Variants in GPC5 observed in about 807,000 individuals in gnomAD.
GPC5 encodes the protein glypican-5.
A neutral mutation model predicts 53.9 loss-of-function variants in GPC5; 47 were observed. That is an observed-to-expected ratio of 0.87 (90% confidence interval 0.69 to 1.11). GPC5 has a LOEUF of 1.11. Among genes scored for constraint, GPC5 ranks in the 50% most tolerant of loss-of-function variants. The pLI, the probability that GPC5 is intolerant of heterozygous loss-of-function variation, is 0.00. For missense variants in GPC5, 748 were observed against 713.1 expected, an observed-to-expected ratio of 1.05 and a Z score of -0.56; for synonymous variants, 286 against 263.3, an observed-to-expected ratio of 1.09 and a Z score of -0.84.
At chr13:92,674,212 G>A (rs1040525968) in intron 7 of GPC5, among the ~76,000 whole-genome samples, 1 of 152,098 alleles carries the variant, frequency 6.6e-6, no homozygotes, top group Admixed American at 6.6e-5. Flanking sequence ...GCTTTGACAC[G>A]TTCCTCTCAC....
At chr13:92,759,794 G>A (rs1265467595) in intron 7 of GPC5, among the ~76,000 whole-genome samples, 1 of 152,008 alleles carries the variant, frequency 6.6e-6, no homozygotes, top group Non-Finnish European at 1.5e-5. Flanking sequence ...CATTGTACCA[G>A]ATCTTAGAAG....
At chr13:92,016,475 G>C (rs1422890266) in intron 6 of GPC5, among the ~76,000 whole-genome samples, 1 of 152,040 alleles carries the variant, frequency 6.6e-6, no homozygotes, top group Non-Finnish European at 1.5e-5. Flanking sequence ...ATTTAGGGTG[G>C]ATGACCTATA....
intron 7 of GPC5, among the ~76,000 whole-genome samples, chr13:92,420,396 C>T (rs1445117388): frequency 1.3e-5 from 2 of 151,974 alleles, no homozygotes; most frequent in East Asian, 3.9e-4. Flanking sequence ...TATATATTTA[C>T]ATGGTACATG....
chr13:91,902,526 C>A (rs2039507711), intron 5 of GPC5, among the ~76,000 whole-genome samples: 1 of 151,964 alleles, frequency 6.6e-6, no homozygotes, highest in Non-Finnish European at 1.5e-5. Flanking sequence ...GATGGTGGGT[C>A]TATTACTTCC....
rs546002410 is a variant in GPC5 at position 92,435,214 on chromosome 13, A to G, written c.1561+290225A>G. ...ACAGGCATGAGCCACTGCACCCAGC[A>G]GTCCAAATGAAATTTGAGAAAATTA... On this transcript the variant is annotated intron_variant, in intron 7 of 7. Transcript: ENST00000377067. Among the ~76,000 whole-genome samples, 188 of 152,314 alleles carry G rather than the reference A, an allele frequency of 1.2e-3. 3 individuals carry two copies. In the South Asian group the frequency reaches 0.036, roughly 29 times the overall value.
intron 7 of GPC5, among the ~76,000 whole-genome samples, chr13:92,864,652 C>T (rs1389091642): frequency 6.6e-6 from 1 of 151,920 alleles, no homozygotes; most frequent in South Asian, 2.1e-4. Flanking sequence ...AATATTCACA[C>T]TCCACTCTAG....
intron 7 of GPC5, among the ~76,000 whole-genome samples, chr13:92,400,827 C>T (rs1373585883): frequency 6.6e-6 from 1 of 152,130 alleles, no homozygotes; most frequent in Admixed American, 6.5e-5. Context: ...TTCCTTTCTA[C>T]ATTTCAAACT....
In GPC5 at chr13:91,693,715, T is replaced by C; in HGVS notation, c.854T>C (p.Met285Thr). Reference sequence around the variant, plus strand: ...GTCATGCGAGGCTGCCTGGCGCACATGGCGGAGCTTAATCCACACTGGCAT... The same window carrying C: ...GTCATGCGAGGCTGCCTGGCGCACACGGCGGAGCTTAATCCACACTGGCAT... ...LNVMRGCLAH[M>T]AELNPHWHAY... Residue 285 changes from methionine to threonine, a missense_variant, in exon 3 of 8, where the codon ATG (methionine) becomes ACG (threonine). Met to Thr is a moderately conservative substitution (Grantham distance 81, BLOSUM62 -1). Transcript: ENST00000377067. The C allele has an allele frequency of 6.2e-7, 1 of 1,614,172 alleles. No homozygotes were observed. Among genetic ancestry groups the C allele is most frequent in the Non-Finnish European group, 8.5e-7 (1 of 1,180,018 alleles).
At chr13:92,244,961 C>T (rs1221488374) in intron 7 of GPC5, among the ~76,000 whole-genome samples, 2 of 151,454 alleles carry the variant, frequency 1.3e-5, no homozygotes, top group Non-Finnish European at 2.9e-5. Flanking sequence ...CTGCTTGAAC[C>T]CGGGAGGTGG....
chr13:92,749,273 C>A (rs1236321358), intron 7 of GPC5, among the ~76,000 whole-genome samples: 1 of 151,886 alleles, frequency 6.6e-6, no homozygotes, highest in Non-Finnish European at 1.5e-5. Context: ...TTAATTGAGC[C>A]ATTTTTTCAA....
chr13:92,695,006 A>ACT (rs1217112975), intron 7 of GPC5, among the ~76,000 whole-genome samples: 1 of 151,452 alleles, frequency 6.6e-6, no homozygotes, highest in African/African-American at 2.4e-5. Context: ...TTCCTACGTC[A>ACT]CTCTCTCTCT....
intron 7 of GPC5, among the ~76,000 whole-genome samples, chr13:92,838,785 C>T (rs1878315986): frequency 6.6e-6 from 1 of 152,046 alleles, no homozygotes; most frequent in Non-Finnish European, 1.5e-5. Flanking sequence ...TTTAAAAATG[C>T]AAATCATAGA....
At chr13:91,655,590 T>A (rs2034826043) in intron 2 of GPC5, among the ~76,000 whole-genome samples, 1 of 152,074 alleles carries the variant, frequency 6.6e-6, no homozygotes, top group Non-Finnish European at 1.5e-5. Context: ...AAATATTTTA[T>A]ACTAGGTAGA....
intron 7 of GPC5, among the ~76,000 whole-genome samples, chr13:92,238,918 A>C (rs947717319): frequency 3.3e-5 from 5 of 151,606 alleles, no homozygotes; most frequent in East Asian, 1.9e-4. Context: ...ATTTTGACTA[A>C]ATTTTTATAT....
intron 5 of GPC5, among the ~76,000 whole-genome samples, chr13:91,907,428 A>AT (rs2039565168): frequency 4.0e-5 from 5 of 124,660 alleles, no homozygotes; most frequent in Admixed American, 8.3e-5. Context: ...TATATATATA[A>AT]TATATATTAT....
chr13:92,396,297 T>C (rs960361832), intron 7 of GPC5, among the ~76,000 whole-genome samples: 1 of 152,216 alleles, frequency 6.6e-6, no homozygotes, highest in Admixed American at 6.5e-5. Context: ...TCTGTTACAA[T>C]GTTTTTTATT....
intron 6 of GPC5, among the ~76,000 whole-genome samples, chr13:92,075,294 T>C (rs1452503563): frequency 6.6e-6 from 1 of 152,168 alleles, no homozygotes; most frequent in Admixed American, 6.5e-5. Context: ...TATCAAAGAC[T>C]TCACTATTTT....
chr13:91,948,479 G>A (rs2139055461), intron 6 of GPC5, among the ~76,000 whole-genome samples: 1 of 151,954 alleles, frequency 6.6e-6, no homozygotes, highest in South Asian at 2.1e-4. Context: ...TCTCTCTTAT[G>A]GAACCTACGG....
chr13:91,963,347 A>G (rs1240020224), intron 6 of GPC5, among the ~76,000 whole-genome samples: 1 of 152,174 alleles, frequency 6.6e-6, no homozygotes, highest in Non-Finnish European at 1.5e-5. Flanking sequence ...TTCTGTGTAT[A>G]CGTATTTCCC....
Sources: allele counts gnomAD v4.1 joint callset (sites outside exome capture counted in the v4.1 genomes callset), GRCh38; gene constraint gnomAD v4.1.1; transcripts MANE v1.5; gene names NCBI Gene and HGNC (gene_info 2026-07-23, HGNC 2026-07-21).